MTCL3: variants seen among roughly 807,000 people sequenced by gnomAD.
The protein encoded by MTCL3 is MTCL family member 3.
At chr6:127,507,869 A>AT in the MTCL3 span, among the ~76,000 whole-genome samples, 2 of 139,896 alleles carry the variant, frequency 1.4e-5, no homozygotes, top group East Asian at 2.3e-4. Context: ...AAAAAAAAAA[A>AT]AGAAAAAAAA....
At chr6:127,496,348 T>C in the MTCL3 span, among the ~76,000 whole-genome samples, 2 of 152,114 alleles carry the variant, frequency 1.3e-5, no homozygotes, top group African/African-American at 2.4e-5. Context: ...CACAGTAATA[T>C]CAAAAACTAA....
At chr6:127,515,989 C>T in the MTCL3 span, 1 of 1,599,890 alleles carries the variant, frequency 6.3e-7, no homozygotes, top group Non-Finnish European at 8.5e-7. The surrounding 1 kb of genome is among the most constrained non-coding windows in gnomAD (Gnocchi z 4.3). Context: ...CTCCCCGCCG[C>T]TGCCGCCCCT....
chr6:127,491,800 G>T, the MTCL3 span, among the ~76,000 whole-genome samples: 1 of 146,592 alleles, frequency 6.8e-6, no homozygotes, highest in African/African-American at 2.5e-5. Context: ...GAGCCCAGGA[G>T]TTCGAGGCTG....
At chr6:127,484,175 A>C in the MTCL3 span, among the ~76,000 whole-genome samples, 3 of 152,188 alleles carry the variant, frequency 2.0e-5, no homozygotes, top group Non-Finnish European at 2.9e-5. Flanking sequence ...TAAATTCGCA[A>C]AGAAATGAAA....
At chr6:127,502,134 T>C in the MTCL3 span, among the ~76,000 whole-genome samples, 15 of 152,344 alleles carry the variant, frequency 9.8e-5, no homozygotes, top group East Asian at 2.9e-3. Context: ...ACTGTGTGTG[T>C]AAGTGAATTA....
At chr6:127,504,712 A>C in the MTCL3 span, among the ~76,000 whole-genome samples, 1 of 152,246 alleles carries the variant, frequency 6.6e-6, no homozygotes, top group African/African-American at 2.4e-5. Flanking sequence ...TGTCACACAT[A>C]CAAAGGCCAA....
At chr6:127,517,167 T>G in the MTCL3 span, among the ~76,000 whole-genome samples, 1 of 152,170 alleles carries the variant, frequency 6.6e-6, no homozygotes, top group Non-Finnish European at 1.5e-5. Context: ...TAATTAGTAT[T>G]CCCAAGTTCA....
chr6:127,484,772 G>A, the MTCL3 span, among the ~76,000 whole-genome samples: 1 of 152,124 alleles, frequency 6.6e-6, no homozygotes, highest in Non-Finnish European at 1.5e-5. Flanking sequence ...AATATTAACT[G>A]TCATTGAGCC....
At chr6:127,475,201 C>T in the MTCL3 span, 12 of 1,373,304 alleles carry the variant, frequency 8.7e-6, no homozygotes, top group Admixed American at 2.5e-5. The surrounding 1 kb of genome is among the most constrained non-coding windows in gnomAD (Gnocchi z 7.3). Context: ...TCAAGCGGGG[C>T]GCGGCAGTCC....
At chr6:127,514,802 T>G in the MTCL3 span, 1 of 1,598,248 alleles carries the variant, frequency 6.3e-7, no homozygotes, top group Non-Finnish European at 8.5e-7. Context: ...CCGCGCGCCA[T>G]TGAGCCCCCG....
chr6:127,515,673 C>G, the MTCL3 span: 1 of 1,510,202 alleles, frequency 6.6e-7, no homozygotes, highest in Non-Finnish European at 8.8e-7. The surrounding 1 kb of genome is among the most constrained non-coding windows in gnomAD (Gnocchi z 4.3). Flanking sequence ...GGCCCTCCGC[C>G]GCCGCCGCCA....
chr6:127,506,118 C>T, the MTCL3 span, among the ~76,000 whole-genome samples: 6 of 152,142 alleles, frequency 3.9e-5, no homozygotes, highest in Non-Finnish European at 7.4e-5. Flanking sequence ...AAGCTAGTTT[C>T]TAGACTCCAT....
chr6:127,483,925 GC>G, the MTCL3 span, among the ~76,000 whole-genome samples: 1 of 152,312 alleles, frequency 6.6e-6, no homozygotes, highest in African/African-American at 2.4e-5. Context: ...AGACAGAGAA[GC>G]AAACAATTAC....
chr6:127,475,980 G>A, the MTCL3 span: 11 of 1,610,844 alleles, frequency 6.8e-6, no homozygotes, highest in African/African-American at 1.5e-4. The surrounding 1 kb of genome is among the most constrained non-coding windows in gnomAD (Gnocchi z 7.3). Flanking sequence ...CGCCGGACTT[G>A]TACTTGTACT....
the MTCL3 span, chr6:127,512,871 T>C: frequency 1.9e-6 from 3 of 1,601,684 alleles, no homozygotes; most frequent in African/African-American, 1.3e-5. Context: ...TAGTACACCA[T>C]GAAATAATCA....
At chr6:127,501,038 T>C in the MTCL3 span, among the ~76,000 whole-genome samples, 1 of 152,206 alleles carries the variant, frequency 6.6e-6, no homozygotes, top group East Asian at 1.9e-4. Flanking sequence ...GGTCTTGATC[T>C]CCTGACCTCG....
At chr6:127,500,968 C>T in the MTCL3 span, among the ~76,000 whole-genome samples, 5 of 152,094 alleles carry the variant, frequency 3.3e-5, no homozygotes, top group East Asian at 1.9e-4. Context: ...CGTGCCATCA[C>T]GCCTGGCTAA....
the MTCL3 span, chr6:127,475,551 C>G: frequency 6.2e-7 from 1 of 1,611,404 alleles, no homozygotes; most frequent in Non-Finnish European, 8.5e-7. The surrounding 1 kb of genome is among the most constrained non-coding windows in gnomAD (Gnocchi z 7.3). Context: ...TGGTCTTGCC[C>G]AGGCGCTCGG....
the MTCL3 span, chr6:127,512,823 T>G: frequency 6.9e-7 from 1 of 1,442,198 alleles, no homozygotes; most frequent in Non-Finnish European, 9.3e-7. Flanking sequence ...ACAGTCATAT[T>G]AGTCCTTGGG....
Sources: allele counts gnomAD v4.1 joint callset (sites outside exome capture counted in the v4.1 genomes callset), GRCh38; gene constraint gnomAD v4.1.1; non-coding constraint Gnocchi (gnomAD v3.1); transcripts MANE v1.5; gene names NCBI Gene and HGNC (gene_info 2026-07-23, HGNC 2026-07-21).